Variants in COL12A1 observed in about 807,000 individuals in gnomAD.
COL12A1 encodes collagen type XII alpha 1 chain.
In COL12A1, 114 loss-of-function variants were observed where a neutral mutation model predicts 349.7. The ratio of observed to expected loss-of-function variants is 0.33; its 90% CI spans 0.28 to 0.38. The LOEUF (loss-of-function observed/expected upper bound fraction) is 0.38. Ranked by LOEUF, COL12A1 falls within the 10% of genes least tolerant of loss-of-function variation. The pLI, the probability that COL12A1 is intolerant of heterozygous loss-of-function variation, is 1.00. For missense variants in COL12A1, 3,284 were observed against 3,756.9 expected (o/e 0.87, Z 3.29); for synonymous variants, 1,369 against 1,329.0 (o/e 1.03, Z -0.66).
At chr6:75,108,648 G>A (rs975168484) in intron 52 of COL12A1, among the ~76,000 whole-genome samples, 1 of 152,120 alleles carries the variant, frequency 6.6e-6, no homozygotes, top group Admixed American at 6.6e-5. Context: ...TTAATATCCT[G>A]ATTGTACAAA....
At chr6:75,153,705 C>A (rs996991941) in intron 17 of COL12A1, among the ~76,000 whole-genome samples, 2 of 152,072 alleles carry the variant, frequency 1.3e-5, no homozygotes, top group African/African-American at 4.8e-5. Context: ...TCTTTTTTAG[C>A]AATAATGAAA....
intron 11 of COL12A1, among the ~76,000 whole-genome samples, chr6:75,178,582 C>T (rs1769101253): frequency 6.6e-6 from 1 of 152,122 alleles, no homozygotes; most frequent in African/African-American, 2.4e-5. Context: ...TCATTATGCC[C>T]AAATGAGAAC....
intron 38 of COL12A1, among the ~76,000 whole-genome samples, chr6:75,127,921 G>A (rs1002402942): frequency 2.6e-5 from 4 of 151,974 alleles, no homozygotes; most frequent in African/African-American, 7.2e-5. Context: ...AGATTCAATC[G>A]CAATGGAATA....
In COL12A1 at chr6:75,085,990, T is replaced by C. The variant is rs1328562038; in HGVS notation, c.*557A>G. ...GACAAAAAAGTAACAAAAAGACAGA[T>C]GCCCTGAATCAGACACATCGCTAAC... On this transcript the variant is annotated 3_prime_UTR_variant, in exon 66 of 66. Transcript: ENST00000322507. The C allele has an allele frequency of 5.2e-5, 8 of 153,026 alleles. No homozygotes were observed. Among genetic ancestry groups the C allele is most frequent in the African/African-American group, 1.7e-4 (7 of 41,434 alleles). 9.5% of individuals were successfully genotyped at this position (153,026 alleles called of 1,614,324 possible).
In COL12A1 at chr6:75,194,817, G is replaced by C. The variant is rs536848485; in HGVS notation, c.190+14C>G. ...ATGATGCTTCTGTCCTAAAACCCCAGTCTCAAAACTTACCCGTTGTAGGGT... is the reference window on the plus strand; with the variant it reads ...ATGATGCTTCTGTCCTAAAACCCCACTCTCAAAACTTACCCGTTGTAGGGT... On this transcript the variant is annotated intron_variant, in intron 3 of 65. Coordinates refer to ENST00000322507, the MANE Select transcript of COL12A1 (RefSeq NM_004370.6). The C allele has an allele frequency of 2.7e-4, 411 of 1,533,566 alleles. 8 individuals carry two copies. In the South Asian group the frequency reaches 4.6e-3, roughly 17 times the overall value. 95.0% of individuals were successfully genotyped at this position (1,533,566 alleles called of 1,614,324 possible). A position where few individuals can be genotyped will look rare whatever the true frequency, so the allele number is the denominator to read the frequency against.
chr6:75,102,504 G>GA (rs1356110014), intron 56 of COL12A1, 93 bp downstream of exon 56: 1 of 992,002 alleles, frequency 1.0e-6, no homozygotes, highest in African/African-American at 1.7e-5. Flanking sequence ...AATTATCTGA[G>GA]AAAACATTTG....
At chr6:75,188,642 G>A (rs151271068) in intron 7 of COL12A1, 107 bp from the exon 8 acceptor site, 15 of 1,211,726 alleles carry the variant, frequency 1.2e-5, no homozygotes, top group East Asian at 4.8e-5. Context: ...TATTCAAATC[G>A]TCATTAAGTC....
chr6:75,133,825 A>C (rs181540239), intron 33 of COL12A1, 33 bp downstream of exon 33: 3 of 1,612,504 alleles, frequency 1.9e-6, no homozygotes, highest in East Asian at 4.5e-5. Flanking sequence ...CCATTTAAAC[A>C]AACTAGCATT....
At chr6:75,110,439 CAT>C (rs1489008140) in intron 51 of COL12A1, among the ~76,000 whole-genome samples, 1 of 152,056 alleles carries the variant, frequency 6.6e-6, no homozygotes, top group Non-Finnish European at 1.5e-5. Flanking sequence ...TAAACAAATG[CAT>C]AGTTACATTT....
At position 75,177,812 on chromosome 6, in the gene COL12A1, C is replaced by T. The variant is rs770965835; in HGVS notation, c.2288G>A (p.Gly763Glu). 11 of 1,614,124 alleles carry T rather than the reference C, an allele frequency of 6.8e-6. No individual in the cohort carries two copies. The highest frequency in any genetic ancestry group is 6.6e-5 in the South Asian group (6 of 91,084). ...YRIIYRPVAG[G>E]ESREVTTPPN... ...TGGGGTGGTAACTTCTCTGCTCTCT[C>T]CACCAGCAACTGGTCTATATATAAT... is the stretch of plus-strand genomic sequence containing the variant. Residue 763 changes from glycine (G) to glutamate (E), a missense_variant, in exon 12 of 66, where the codon GGA becomes GAA. Transcript: ENST00000322507.
chr6:75,120,622 T>A (rs1160711129), intron 44 of COL12A1, among the ~76,000 whole-genome samples: 1 of 152,170 alleles, frequency 6.6e-6, no homozygotes, highest in Non-Finnish European at 1.5e-5. Context: ...AAGCATGGAA[T>A]GGGTAAAGCC....
At chr6:75,089,283 G>A in intron 63 of COL12A1, 109 bp from the exon 64 acceptor site, 1 of 784,588 alleles carries the variant, frequency 1.3e-6, no homozygotes, top group Non-Finnish European at 2.0e-6. Context: ...CTTAGTGAAA[G>A]CAGAACCTAA....
intron 20 of COL12A1, 66 bp downstream of exon 20, chr6:75,151,801 A>G (rs1420202690): frequency 7.4e-6 from 11 of 1,481,486 alleles, no homozygotes; most frequent in Non-Finnish European, 1.0e-5. Context: ...TAAAACTTCT[A>G]ACTACGAAAA....
rs1022550211 is a variant in COL12A1, at chr6:75,156,626, T to G, written c.2984-103A>C. The G allele has an allele frequency of 5.6e-6, 6 of 1,064,252 alleles. No individual in the cohort carries two copies. The Admixed American group carries it at 1.4e-4, about 26-fold the overall frequency. 65.9% of individuals were successfully genotyped at this position (1,064,252 alleles called of 1,614,324 possible). A position where few individuals can be genotyped will look rare whatever the true frequency, so the allele number is the denominator to read the frequency against. On this transcript the variant is annotated intron_variant, in intron 14 of 65. Coordinates refer to ENST00000322507, the MANE Select transcript of COL12A1 (RefSeq NM_004370.6). ...GAAACTCTCTGTGGCTTCTTAAATA[T>G]GTACACTGTTCCATTGCTTAGCATT... is the stretch of plus-strand genomic sequence containing the variant.
At chr6:75,163,002 T>C (rs1245742271) in intron 14 of COL12A1, among the ~76,000 whole-genome samples, 1 of 152,106 alleles carries the variant, frequency 6.6e-6, no homozygotes, top group Admixed American at 6.6e-5. Flanking sequence ...CATTAAAAAG[T>C]CAGGAAACAA....
intron 13 of COL12A1, among the ~76,000 whole-genome samples, chr6:75,173,102 T>C (rs2149448701): frequency 6.6e-6 from 1 of 152,290 alleles, no homozygotes; most frequent in East Asian, 1.9e-4. Context: ...CATAGAGTAT[T>C]TTACAGTTTC....
Position 75,130,196 on chromosome 6 carries a change from A to C in COL12A1, c.6105T>G (p.Gly2035=). 1.2e-6 allele frequency: 2 copies of C among 1,614,044 alleles called. No individual in the cohort carries two copies. Among genetic ancestry groups the C allele is most frequent in the Non-Finnish European group, 1.7e-6 (2 of 1,180,000 alleles). ...CTACCGAGAGGCTATTGGTTGTTTCACCAAAGACTCTCAGGTTCCTTGGTC... is the reference window on the plus strand; with the variant it reads ...CTACCGAGAGGCTATTGGTTGTTTCCCCAAAGACTCTCAGGTTCCTTGGTC... ...RSGPRNLRVF[G]ETTNSLSVAW... is the part of the protein sequence containing the mutation. Residue 2035 remains glycine, a synonymous_variant, in exon 37 of 66, where the codon GGT becomes GGG. Transcript: ENST00000322507.
intron 52 of COL12A1, among the ~76,000 whole-genome samples, chr6:75,107,174 G>A (rs150357148): frequency 6.6e-6 from 1 of 152,198 alleles, no homozygotes; most frequent in African/African-American, 2.4e-5. Flanking sequence ...CTACAGGCGT[G>A]AGCCATGGTG....
Position 75,085,603 on chromosome 6 carries a change from C to T in COL12A1, c.*944G>A, listed in dbSNP as rs891128162. Reference sequence around the variant, plus strand: ...TCCAGCAGTAAACACAATCATTGCACAAATACTTGGGAAGGGTCAGAGACT... The same window carrying T: ...TCCAGCAGTAAACACAATCATTGCATAAATACTTGGGAAGGGTCAGAGACT... On this transcript the variant is annotated 3_prime_UTR_variant, in exon 66 of 66. Coordinates refer to ENST00000322507, the MANE Select transcript of COL12A1 (RefSeq NM_004370.6). 6.4e-6 allele frequency: 2 copies of T among 313,630 alleles called. No homozygotes were observed. Among genetic ancestry groups the T allele is most frequent in the African/African-American group, 2.2e-5 (1 of 45,968 alleles). The allele number at this position is 313,630 out of a possible 1,614,324, so 19.4% of individuals were successfully genotyped here. A position where few individuals can be genotyped will look rare whatever the true frequency, so the allele number is the denominator to read the frequency against.
Sources: gnomAD v4.1 joint callset for allele counts (sites outside exome capture counted in the v4.1 genomes callset) on GRCh38, gnomAD v4.1.1 for gene constraint, MANE v1.5 for transcripts, NCBI Gene and HGNC (gene_info 2026-07-23, HGNC 2026-07-21) for gene names.